SLC9A9: variants seen among roughly 807,000 people sequenced by gnomAD.
SLC9A9 encodes sodium/hydrogen exchanger 9.
In SLC9A9, 62 loss-of-function variants were observed where a neutral mutation model predicts 77.8. The ratio of observed to expected loss-of-function variants is 0.80; its 90% CI spans 0.65 to 0.98. SLC9A9 has a LOEUF of 0.98. SLC9A9 is among the 50% of genes least tolerant of loss of function. The pLI is 0.00. For missense variants in SLC9A9, 775 were observed against 774.9 expected, an observed-to-expected ratio of 1.00 and a Z score of 0.00; for synonymous variants, 320 against 283.5, an observed-to-expected ratio of 1.13 and a Z score of -1.29.
intron 14 of SLC9A9, among the ~76,000 whole-genome samples, chr3:143,346,101 G>A (rs1226827921): frequency 1.3e-5 from 2 of 152,120 alleles, no homozygotes; most frequent in Non-Finnish European, 2.9e-5. Context: ...TCGTAGGAGG[G>A]CCCAAGCACA....
At chr3:143,649,914 G>C (rs371318171) in intron 6 of SLC9A9, among the ~76,000 whole-genome samples, 4 of 151,460 alleles carry the variant, frequency 2.6e-5, no homozygotes, top group Admixed American at 2.6e-4. Flanking sequence ...ATTTTCATTT[G>C]TTCTTCTAAG....
chr3:143,427,275 A>T (rs987888405), intron 12 of SLC9A9, among the ~76,000 whole-genome samples: 1 of 152,202 alleles, frequency 6.6e-6, no homozygotes, highest in Non-Finnish European at 1.5e-5. Flanking sequence ...GAAATTGCCC[A>T]TATTGCCTTA....
At chr3:143,523,634 A>G (rs1035873957) in intron 9 of SLC9A9, among the ~76,000 whole-genome samples, 10 of 152,184 alleles carry the variant, frequency 6.6e-5, no homozygotes, top group Non-Finnish European at 1.5e-4. Flanking sequence ...TGGAGAATTT[A>G]ATACCTACTG....
chr3:143,601,288 T>A (rs1374869720), intron 6 of SLC9A9, among the ~76,000 whole-genome samples: 1 of 152,162 alleles, frequency 6.6e-6, no homozygotes. Context: ...TAACAATCAG[T>A]CTTTTGAGAT....
At chr3:143,599,733 T>C (rs547936526) in intron 6 of SLC9A9, among the ~76,000 whole-genome samples, 2 of 151,986 alleles carry the variant, frequency 1.3e-5, no homozygotes, top group East Asian at 3.9e-4. Context: ...AAACAAAATA[T>C]GTAATGAACT....
intron 11 of SLC9A9, among the ~76,000 whole-genome samples, chr3:143,480,813 G>A (rs568434057): frequency 1.3e-5 from 2 of 152,326 alleles, no homozygotes; most frequent in Admixed American, 1.3e-4. Context: ...GCATGGGAAG[G>A]TAAAAGAACA....
At chr3:143,355,689 G>T (rs958506922) in intron 14 of SLC9A9, among the ~76,000 whole-genome samples, 18 of 152,314 alleles carry the variant, frequency 1.2e-4, no homozygotes, top group African/African-American at 4.1e-4. Flanking sequence ...TGGAATGACA[G>T]CTCTGTGGGA....
intron 15 of SLC9A9, 128 bp from the exon 16 acceptor site, chr3:143,267,057 G>T: frequency 1.2e-6 from 1 of 836,700 alleles, no homozygotes; most frequent in Non-Finnish European, 1.9e-6. Flanking sequence ...GTCTGGCCTT[G>T]GCTGATGTTT....
intron 12 of SLC9A9, among the ~76,000 whole-genome samples, chr3:143,431,658 T>C (rs561250142): frequency 8.7e-4 from 133 of 152,242 alleles, no homozygotes; most frequent in South Asian, 2.1e-3. Flanking sequence ...ATTTTTTGTA[T>C]TTTTAATAGA....
chr3:143,806,821 G>A (rs2008729636), intron 2 of SLC9A9, among the ~76,000 whole-genome samples: 2 of 151,964 alleles, frequency 1.3e-5, no homozygotes, highest in South Asian at 4.2e-4. Flanking sequence ...AGCACAACAA[G>A]GTATGTATAG....
intron 6 of SLC9A9, among the ~76,000 whole-genome samples, chr3:143,583,159 A>G (rs2037484422): frequency 6.6e-6 from 1 of 152,000 alleles, no homozygotes; most frequent in African/African-American, 2.4e-5. Flanking sequence ...TCTCAAAATA[A>G]ATAAATAAAA....
chr3:143,780,297 T>C (rs1184374091), intron 4 of SLC9A9, among the ~76,000 whole-genome samples: 1 of 152,046 alleles, frequency 6.6e-6, no homozygotes, highest in African/African-American at 2.4e-5. Context: ...GCCCAATTAG[T>C]AAAAGGTGAT....
intron 14 of SLC9A9, among the ~76,000 whole-genome samples, chr3:143,332,901 A>G (rs2031818803): frequency 6.6e-6 from 1 of 152,200 alleles, no homozygotes; most frequent in South Asian, 2.1e-4. Flanking sequence ...TTAATCCACC[A>G]TATCAATCAT....
chr3:143,754,834 T>C lies in SLC9A9; in HGVS notation c.533+40167A>G, dbSNP rs535961884. Reference sequence around the variant, plus strand: ...GGCATTAAGCCACTTTCTCCATGTATGGTGAGGAGAAATGAGAGAGTATGT... The same window carrying C: ...GGCATTAAGCCACTTTCTCCATGTACGGTGAGGAGAAATGAGAGAGTATGT... On this transcript the variant is annotated intron_variant, in intron 4 of 15. Transcript: ENST00000316549. 3.3e-5 allele frequency among the ~76,000 whole-genome samples: 5 copies of C among 152,292 alleles called. No individual in the cohort carries two copies. In the South Asian group the frequency reaches 1.0e-3, roughly 32 times the overall value.
rs190913514 is a variant in SLC9A9 at position 143,831,945 on chromosome 3, A to C, written c.378+74T>G. ...TGTGTGTGTGAATGCATTATATAAA[A>C]AGTATAAAGGCTCAAATATGATACA... On this transcript the variant is annotated intron_variant, in intron 2 of 15. Transcript: ENST00000316549. The C allele has an allele frequency of 1.8e-4, 253 of 1,380,426 alleles. No homozygotes were observed. In the African/African-American group the frequency reaches 2.6e-3, roughly 14 times the overall value. The allele number at this position is 1,380,426 out of a possible 1,614,324, so 85.5% of individuals were successfully genotyped here. A position where few individuals can be genotyped will look rare whatever the true frequency, so the allele number is the denominator to read the frequency against.
intron 4 of SLC9A9, among the ~76,000 whole-genome samples, chr3:143,785,845 C>CTTTTT (rs57552730): frequency 1.0e-3 from 117 of 112,988 alleles, no homozygotes; most frequent in Non-Finnish European, 1.9e-3. Flanking sequence ...TTGAATTTTT[C>CTTTTT]TTTTTTTTTT....
intron 1 of SLC9A9, among the ~76,000 whole-genome samples, chr3:143,844,108 C>G (rs973113997): frequency 6.6e-6 from 1 of 152,130 alleles, no homozygotes; most frequent in Non-Finnish European, 1.5e-5. Context: ...TTTGGAGTAT[C>G]ATATGAATCT....
intron 14 of SLC9A9, among the ~76,000 whole-genome samples, chr3:143,276,385 T>C (rs1313834956): frequency 1.3e-5 from 2 of 152,368 alleles, no homozygotes; most frequent in South Asian, 2.1e-4. Flanking sequence ...CTCTGCCCAC[T>C]TGTAATTTTA....
chr3:143,482,698 T>G (rs114737453), intron 11 of SLC9A9, among the ~76,000 whole-genome samples: 1 of 152,206 alleles, frequency 6.6e-6, no homozygotes, highest in Non-Finnish European at 1.5e-5. Flanking sequence ...GGTTCTTATT[T>G]AGTTTTAAAT....
Sources: allele counts gnomAD v4.1 joint callset (sites outside exome capture counted in the v4.1 genomes callset), GRCh38; gene constraint gnomAD v4.1.1; transcripts MANE v1.5; gene names NCBI Gene and HGNC (gene_info 2026-07-23, HGNC 2026-07-21).